ART3: variants seen among roughly 807,000 people sequenced by gnomAD.
The protein encoded by ART3 is ADP-ribosyltransferase 3 (inactive).
ART3 carries 49 observed loss-of-function variants against 48.5 expected under a neutral mutation model. That is an observed-to-expected ratio of 1.01 (90% confidence interval 0.80 to 1.28). The LOEUF (loss-of-function observed/expected upper bound fraction) is 1.28, where lower values mean the gene tolerates loss of function less well. Ranked by LOEUF, ART3 falls within the 50% of genes most tolerant of loss-of-function variation. ART3 has a pLI of 0.00. For missense variants in ART3, 438 were observed against 454.3 expected (o/e 0.96, Z 0.33); for synonymous variants, 145 against 157.2 (o/e 0.92, Z 0.58).
intron 1 of ART3, among the ~76,000 whole-genome samples, chr4:76,024,311 A>G (rs1733167778): frequency 6.6e-6 from 1 of 152,164 alleles, no homozygotes; most frequent in Admixed American, 6.5e-5. Flanking sequence ...GGGCACGCAT[A>G]GAGACAGACC....
At chr4:76,088,008 C>T (rs963802506) in intron 3 of ART3, among the ~76,000 whole-genome samples, 4 of 151,994 alleles carry the variant, frequency 2.6e-5, no homozygotes, top group African/African-American at 9.7e-5. Flanking sequence ...GCAAGAGGAT[C>T]CCTTGACCCG....
chr4:76,018,201 C>A (rs181384842), intron 1 of ART3, among the ~76,000 whole-genome samples: 86 of 152,274 alleles, frequency 5.6e-4, no homozygotes, highest in Non-Finnish European at 8.5e-4. Context: ...AACCTAGATG[C>A]CCATCAACGG....
chr4:76,103,823 C>A, intron 8 of ART3, 114 bp from the exon 9 acceptor site: 2 of 935,966 alleles, frequency 2.1e-6, no homozygotes, highest in Non-Finnish European at 3.2e-6. Context: ...TTTTCTTTCC[C>A]CCTGCCTTTT....
At chr4:76,031,007 T>G (rs1009745000) in intron 1 of ART3, among the ~76,000 whole-genome samples, 2 of 152,164 alleles carry the variant, frequency 1.3e-5, no homozygotes, top group Non-Finnish European at 2.9e-5. Flanking sequence ...AATTGCTGGA[T>G]TATATAGTAA....
intron 2 of ART3, 129 bp from the exon 3 acceptor site, chr4:76,081,695 A>G: frequency 1.2e-6 from 1 of 849,458 alleles, no homozygotes; most frequent in Non-Finnish European, 1.9e-6. Context: ...ATAAAAACCT[A>G]CCCAAAATTG....
At chr4:76,112,187 G>T (rs1489584401) in intron 11 of ART3, among the ~76,000 whole-genome samples, 199 bp from the exon 12 acceptor site, 1 of 152,172 alleles carries the variant, frequency 6.6e-6, no homozygotes, top group Non-Finnish European at 1.5e-5. Flanking sequence ...CGTATTAAGG[G>T]TCAACTGTAT....
chr4:76,081,868 T>G lies in ART3; in HGVS notation c.114T>G (p.Asp38Glu). 1 of 1,614,140 alleles carries G rather than the reference T, an allele frequency of 6.2e-7. No individual in the cohort carries two copies. The highest frequency in any genetic ancestry group is 8.5e-7 in the Non-Finnish European group (1 of 1,180,016). The change falls in exon 3 of 12, where the codon GAT (aspartate) becomes GAG (glutamate). Residue 38 changes from aspartate (D) to glutamate (E), a missense_variant. Physicochemically the swap from Asp to Glu is conservative, Grantham distance 45 (BLOSUM62 2). Coordinates refer to ENST00000355810, the MANE Select transcript of ART3 (RefSeq NM_001130016.3). ...VLDMADNAFD[D>E]EYLKCTDRME... ...ACATGGCAGATAATGCATTTGATGA[T>G]GAATACCTGAAATGTACGGACAGGA... is the stretch of plus-strand genomic sequence containing the variant.
intron 9 of ART3, chr4:76,104,287 C>T: frequency 1.1e-6 from 1 of 920,908 alleles, no homozygotes; most frequent in Non-Finnish European, 1.3e-6. Flanking sequence ...TCAATAGAAA[C>T]CTACCTTTAC....
At chr4:76,021,824 A>G in intron 1 of ART3, 1 of 1,127,350 alleles carries the variant, frequency 8.9e-7, no homozygotes, top group Non-Finnish European at 1.3e-6. Context: ...GCAAACTAAG[A>G]ACAATTATGG....
At chr4:76,092,688 T>G (rs1348503346) in intron 3 of ART3, among the ~76,000 whole-genome samples, 11 of 152,198 alleles carry the variant, frequency 7.2e-5, no homozygotes, top group Admixed American at 7.2e-4. Flanking sequence ...TTTCATCATA[T>G]TTGGAAAGTT....
intron 1 of ART3, among the ~76,000 whole-genome samples, chr4:76,065,207 TCAAAAA>T (rs1719612597): frequency 6.6e-6 from 1 of 152,172 alleles, no homozygotes; most frequent in African/African-American, 2.4e-5. Context: ...ACCACAAAGT[TCAAAAA>T]CAAACAATTA....
chr4:76,080,988 T>C (rs1380144956), intron 2 of ART3, among the ~76,000 whole-genome samples: 1 of 152,240 alleles, frequency 6.6e-6, no homozygotes, highest in African/African-American at 2.4e-5. Context: ...ATGTATAATT[T>C]AGTTGTATGT....
At chr4:76,048,886 T>C (rs564147369) in intron 1 of ART3, among the ~76,000 whole-genome samples, 2 of 152,092 alleles carry the variant, frequency 1.3e-5, no homozygotes, top group South Asian at 4.2e-4. Flanking sequence ...ATTGGGACTT[T>C]ACCCCTGTCC....
intron 11 of ART3, among the ~76,000 whole-genome samples, chr4:76,108,872 T>C (rs1728961288): frequency 2.6e-5 from 4 of 152,198 alleles, no homozygotes. Context: ...TAAGTATTTG[T>C]GTATCTAAAC....
At chr4:76,024,564 C>T (rs1392867007) in intron 1 of ART3, among the ~76,000 whole-genome samples, 1 of 152,148 alleles carries the variant, frequency 6.6e-6, no homozygotes, top group Non-Finnish European at 1.5e-5. Flanking sequence ...ACATGATACT[C>T]ATATAATGGA....
intron 1 of ART3, among the ~76,000 whole-genome samples, chr4:76,017,882 C>T (rs1244105744): frequency 1.3e-5 from 2 of 152,226 alleles, no homozygotes; most frequent in Non-Finnish European, 1.5e-5. Context: ...TGGGTTCCCC[C>T]AAGCACACAG....
chr4:76,038,876 C>T (rs1176117921), intron 1 of ART3, among the ~76,000 whole-genome samples: 1 of 151,890 alleles, frequency 6.6e-6, no homozygotes, highest in Non-Finnish European at 1.5e-5. Flanking sequence ...GTGCGTGCCT[C>T]CATGCCTGGC....
At chr4:76,104,665 CCAGTTTGGGGAGTA>C in intron 10 of ART3, 36 bp downstream of exon 10, 1 of 1,551,002 alleles carries the variant, frequency 6.4e-7, no homozygotes, top group Non-Finnish European at 8.7e-7. Context: ...GGGGAACATG[CCAGTTTGGGGAGTA>C]CAGTCACCAT....
At chr4:76,098,478 C>T (rs1053618964) in intron 4 of ART3, among the ~76,000 whole-genome samples, 5 of 152,116 alleles carry the variant, frequency 3.3e-5, no homozygotes, top group African/African-American at 1.2e-4. Flanking sequence ...GGCTAGCTTT[C>T]CTGTGAATTT....
Sources: gnomAD v4.1 joint callset for allele counts (sites outside exome capture counted in the v4.1 genomes callset) on GRCh38, gnomAD v4.1.1 for gene constraint, MANE v1.5 for transcripts, NCBI Gene and HGNC (gene_info 2026-07-23, HGNC 2026-07-21) for gene names.